ZNF451: variants seen among roughly 807,000 people sequenced by gnomAD.
ZNF451 encodes the protein zinc finger protein 451.
A neutral mutation model predicts 107.1 loss-of-function variants in ZNF451; 80 were observed. That is an observed-to-expected ratio of 0.75 (90% CI 0.62 to 0.90). ZNF451 has a LOEUF of 0.90. ZNF451 is among the 40% of genes least tolerant of loss of function. ZNF451 has a pLI of 0.00. For synonymous variants in ZNF451, 362 were observed against 406.5 expected (o/e 0.89, Z 1.32); for missense variants, 1,107 against 1,236.2 (o/e 0.90, Z 1.57).
rs1241282789 is a variant in ZNF451 at position 57,147,581 on chromosome 6, A to C, written c.1496A>C (p.Lys499Thr). ...HVFSANTMGY[K>T]CVVCGKVCDD... ...TTCTCAGCAAACACAATGGGTTATA[A>C]ATGTGTGGTCTGTGGAAAGGTATGT... Residue 499 changes from lysine (K) to threonine (T), a missense_variant, in exon 10 of 15, where the codon AAA (lysine) becomes ACA (threonine). Physicochemically the swap from Lys to Thr is moderately conservative, Grantham distance 78. Coordinates refer to ENST00000370706, the MANE Select transcript of ZNF451 (RefSeq NM_001031623.3). 4.3e-6 allele frequency: 7 copies of C among 1,614,042 alleles called. No homozygotes were observed. Among genetic ancestry groups the C allele is most frequent in the Non-Finnish European group, 5.9e-6 (7 of 1,179,992 alleles).
At chr6:57,113,561 G>T (rs973864573) in intron 3 of ZNF451, among the ~76,000 whole-genome samples, 8 of 151,220 alleles carry the variant, frequency 5.3e-5, no homozygotes, top group African/African-American at 1.9e-4. Flanking sequence ...TAAAGTGAAA[G>T]ATCTGCCTGA....
At chr6:57,106,576 G>T in intron 3 of ZNF451, 1 of 979,310 alleles carries the variant, frequency 1.0e-6, no homozygotes. Flanking sequence ...AAAGTGCTGG[G>T]ATTATAGGCG....
Position 57,123,328 on chromosome 6 carries a change from A to G in ZNF451, c.187-1406A>G, listed in dbSNP as rs914179771. ...CACTGTGGAATACTACACAGCCATA[A>G]TAAAGAATGAAATCATTATGCAAAG... On this transcript the variant is annotated intron_variant, in intron 3 of 14. Transcript: ENST00000370706. Among the ~76,000 whole-genome samples the G allele has an allele frequency of 2.6e-5, 4 of 152,246 alleles. No homozygotes were observed. In the South Asian group the frequency reaches 8.3e-4, roughly 31 times the overall value.
At chr6:57,119,095 T>G (rs1192404942) in intron 3 of ZNF451, among the ~76,000 whole-genome samples, 2 of 152,142 alleles carry the variant, frequency 1.3e-5, no homozygotes, top group Admixed American at 1.3e-4. Context: ...TCTTTCTACC[T>G]CTAGAAAGAA....
chr6:57,100,468 A>G, intron 3 of ZNF451: 3 of 1,076,488 alleles, frequency 2.8e-6, no homozygotes, highest in Non-Finnish European at 3.8e-6. Context: ...AGTGGATTGT[A>G]TCTTTCACTG....
intron 13 of ZNF451, chr6:57,159,508 C>A: frequency 3.2e-4 from 84 of 265,520 alleles, no homozygotes; most frequent in Non-Finnish European, 4.3e-4. Flanking sequence ...TGTAAACTTT[C>A]TTAAAACATT....
intron 3 of ZNF451, chr6:57,104,225 A>G: frequency 1.0e-6 from 1 of 985,424 alleles, no homozygotes; most frequent in Non-Finnish European, 1.2e-6. Context: ...AGGCCTAAGA[A>G]ATCATACATT....
chr6:57,147,810 T>C lies in ZNF451; in HGVS notation c.1725T>C (p.Ser575=). ...EVEGETLPSS[S]TTLDNLTANK... The stretch of plus-strand genomic sequence containing the variant: ...AAGGTGAAACTTTGCCATCATCCTC[T>C]ACAACATTGGATAATTTGACTGCTA... Residue 575 remains serine (S), a synonymous_variant, in exon 10 of 15, where the codon TCT becomes TCC. Coordinates refer to ENST00000370706, the MANE Select transcript of ZNF451 (RefSeq NM_001031623.3). 6.8e-6 allele frequency: 11 copies of C among 1,614,102 alleles called. No homozygotes were observed. Among genetic ancestry groups the C allele is most frequent in the Non-Finnish European group, 9.3e-6 (11 of 1,179,998 alleles).
chr6:57,107,987 C>T (rs894350713), intron 3 of ZNF451: 8 of 475,948 alleles, frequency 1.7e-5, no homozygotes, highest in Admixed American at 6.4e-5. Context: ...TACAGGCGCC[C>T]GCCACCACAC....
chr6:57,150,977 A>C, intron 11 of ZNF451, 115 bp downstream of exon 11: 2 of 1,261,614 alleles, frequency 1.6e-6, no homozygotes, highest in South Asian at 2.9e-5. Context: ...TAATTGGAAT[A>C]TTGTTCTTTT....
chr6:57,132,978 A>G, intron 5 of ZNF451, 64 bp from the exon 6 acceptor site: 2 of 1,556,602 alleles, frequency 1.3e-6, no homozygotes, highest in Non-Finnish European at 1.8e-6. Context: ...CCTAATTTTG[A>G]TCACTAGCCC....
intron 13 of ZNF451, among the ~76,000 whole-genome samples, chr6:57,157,620 C>G (rs1170270257): frequency 6.6e-6 from 1 of 152,172 alleles, no homozygotes; most frequent in Non-Finnish European, 1.5e-5. Flanking sequence ...TTTAAAAAGT[C>G]TATTAACTTT....
intron 2 of ZNF451, among the ~76,000 whole-genome samples, chr6:57,094,386 G>A (rs1464810406): frequency 6.6e-6 from 1 of 152,036 alleles, no homozygotes; most frequent in Non-Finnish European, 1.5e-5. Flanking sequence ...ATAGCTTACT[G>A]CAGTTTTAAA....
intron 2 of ZNF451, among the ~76,000 whole-genome samples, chr6:57,097,414 C>G (rs946053466): frequency 6.6e-6 from 1 of 152,216 alleles, no homozygotes; most frequent in Non-Finnish European, 1.5e-5. Flanking sequence ...CCTACAAAAT[C>G]CTTTCCTCAG....
chr6:57,101,961 C>T (rs1241545924), intron 3 of ZNF451: 2 of 1,550,478 alleles, frequency 1.3e-6, no homozygotes, highest in Admixed American at 2.0e-5. Flanking sequence ...AGCATCGATA[C>T]TTTTATAGTC....
intron 7 of ZNF451, among the ~76,000 whole-genome samples, chr6:57,140,433 G>GA (rs1831695728): frequency 6.6e-6 from 1 of 151,846 alleles, no homozygotes; most frequent in South Asian, 2.1e-4. Flanking sequence ...TGACAAAAAT[G>GA]AAAAAAATCT....
intron 14 of ZNF451, among the ~76,000 whole-genome samples, chr6:57,166,923 G>A (rs1029996924): frequency 1.3e-5 from 2 of 152,138 alleles, no homozygotes; most frequent in Non-Finnish European, 2.9e-5. Flanking sequence ...AAGTTGATAC[G>A]CAGCACATGA....
At chr6:57,123,347 T>C (rs1830736084) in intron 3 of ZNF451, among the ~76,000 whole-genome samples, 1 of 152,204 alleles carries the variant, frequency 6.6e-6, no homozygotes, top group Non-Finnish European at 1.5e-5. Flanking sequence ...GAAATCATTA[T>C]GCAAAGGTGC....
intron 3 of ZNF451, chr6:57,115,413 G>A (rs937068119): frequency 3.9e-5 from 6 of 152,150 alleles, no homozygotes; most frequent in Admixed American, 1.3e-4. Context: ...AACTCTACCA[G>A]GATACATTAA....
Sources: allele counts gnomAD v4.1 joint callset (sites outside exome capture counted in the v4.1 genomes callset), GRCh38; gene constraint gnomAD v4.1.1; transcripts MANE v1.5; gene names NCBI Gene and HGNC (gene_info 2026-07-23, HGNC 2026-07-21).